GGT5: variants seen among roughly 807,000 people sequenced by gnomAD.
GGT5 encodes the protein gamma-glutamyltransferase 5, also known as glutathione hydrolase 5 proenzyme.
GGT5 carries 50 observed loss-of-function variants against 58.1 expected under a neutral mutation model. The ratio of observed to expected loss-of-function variants is 0.86; its 90% CI spans 0.69 to 1.09. The LOEUF (loss-of-function observed/expected upper bound fraction) is 1.09. Among genes scored for constraint, GGT5 ranks in the 50% least tolerant of loss-of-function variants. GGT5 has a pLI of 0.00. For synonymous variants in GGT5, 370 were observed against 346.1 expected (o/e 1.07, Z -0.77); for missense variants, 800 against 789.4 (o/e 1.01, Z -0.16).
In GGT5 at chr22:24,227,543, G is replaced by A. The variant is rs142599588; in HGVS notation, c.902-776C>T. Among the ~76,000 whole-genome samples the A allele has an allele frequency of 3.8e-3, 578 of 151,714 alleles. 4 individuals are homozygous for A. The highest frequency in any genetic ancestry group is 0.013 in the African/African-American group (555 of 41,402). Reference sequence around the variant, plus strand: ...ATTACAGGCATGAGCCACCACACCCGGCCTAAAGTACGTTAAAGATTTTGA... The same window carrying A: ...ATTACAGGCATGAGCCACCACACCCAGCCTAAAGTACGTTAAAGATTTTGA... On this transcript the variant is annotated intron_variant, in intron 6 of 11. Coordinates refer to ENST00000327365, the MANE Select transcript of GGT5 (RefSeq NM_004121.5).
intron 1 of GGT5, 190 bp downstream of exon 1, chr22:24,244,363 A>G (rs1439512811): frequency 3.3e-6 from 2 of 601,784 alleles, no homozygotes; most frequent in East Asian, 5.6e-5. Context: ...ACATTCACAC[A>G]CACCCACACT....
In GGT5 at chr22:24,226,125, G is replaced by A. The variant is rs751919450; in HGVS notation, c.1180C>T (p.Leu394=). The A allele has an allele frequency of 8.7e-6, 14 of 1,610,314 alleles. No individual in the cohort carries two copies. The South Asian group carries it at 1.4e-4, about 16-fold the overall frequency. The change falls in exon 8 of 12, where the codon CTG becomes TTG. Residue 394 remains leucine, a synonymous_variant. Transcript: ENST00000327365. ...HGTGTSHVSV[L]GEDGSAVAAT... ...GCCACGGCGCTGCCATCCTCCCCCA[G>A]CACAGACACATGGGACGTGCCTGTC...
At chr22:24,238,907 T>C (rs866573338) in intron 1 of GGT5, among the ~76,000 whole-genome samples, 2 of 13,516 alleles carry the variant, frequency 1.5e-4, no homozygotes, top group South Asian at 1.7e-3. Flanking sequence ...ATATATATAT[T>C]ATATATATTA....
chr22:24,233,846 C>T, intron 2 of GGT5, 28 bp downstream of exon 2: 1 of 1,603,806 alleles, frequency 6.2e-7, no homozygotes. Context: ...AGCCCATCTT[C>T]CCCATGGCAG....
chr22:24,220,784 C>A, intron 11 of GGT5: 1 of 414,902 alleles, frequency 2.4e-6, no homozygotes, highest in Admixed American at 3.0e-5. Context: ...GTAATCCCAG[C>A]ACTTTGGGAG....
chr22:24,223,075 G>A (rs2047648475), intron 11 of GGT5, among the ~76,000 whole-genome samples: 1 of 150,736 alleles, frequency 6.6e-6, no homozygotes, highest in Non-Finnish European at 1.5e-5. Flanking sequence ...GGGCAACAGA[G>A]CGAGACTCCG....
intron 6 of GGT5, among the ~76,000 whole-genome samples, chr22:24,228,902 G>A (rs5760266): frequency 0.13 from 19,244 of 151,718 alleles, 1,428 homozygotes; most frequent in East Asian, 0.25. Flanking sequence ...AGAGCAGTCT[G>A]GCCAACATGA....
chr22:24,240,413 C>A lies in GGT5; in HGVS notation c.173+4140G>T, dbSNP rs565392028. On this transcript the variant is annotated intron_variant, in intron 1 of 11. Coordinates refer to ENST00000327365, the MANE Select transcript of GGT5 (RefSeq NM_004121.5). Reference sequence around the variant, plus strand: ...ATTGGAAATAAAGTAAAACCCAATGCCTTTTATGTAAGGATACAGAAAGGT... The same window carrying A: ...ATTGGAAATAAAGTAAAACCCAATGACTTTTATGTAAGGATACAGAAAGGT... Among the ~76,000 whole-genome samples the A allele has an allele frequency of 1.3e-4, 20 of 151,418 alleles. No individual in the cohort carries two copies. In the East Asian group the frequency reaches 3.3e-3, roughly 25 times the overall value.
Position 24,219,679 on chromosome 22 carries a change from C to G in GGT5, c.*291G>C, listed in dbSNP as rs1342163071. 8.1e-6 allele frequency: 3 copies of G among 372,346 alleles called. No homozygotes were observed. Among genetic ancestry groups the G allele is most frequent in the Non-Finnish European group, 1.5e-5 (3 of 202,938 alleles). The allele number at this position is 372,346 out of a possible 1,614,324, so 23.1% of individuals were successfully genotyped here. On this transcript the variant is annotated 3_prime_UTR_variant, in exon 12 of 12. Transcript: ENST00000327365. ...TCAGGCCACAGTCCGCCTCTTTAAT[C>G]TTGGACTGGAGGATATACAGATCGA...
intron 11 of GGT5, among the ~76,000 whole-genome samples, chr22:24,223,877 T>C (rs112240416): frequency 0.17 from 24,879 of 150,690 alleles, 2,866 homozygotes; most frequent in African/African-American, 0.33. Flanking sequence ...TTTCTCCTGC[T>C]TCAGCCTCCC....
At position 24,219,754 on chromosome 22, in the gene GGT5, G is replaced by A. The variant is rs2047534409; in HGVS notation, c.*216C>T. 2 of 569,348 alleles carry A rather than the reference G, an allele frequency of 3.5e-6. No homozygotes were observed. Among genetic ancestry groups the A allele is most frequent in the Admixed American group, 3.1e-5 (1 of 32,460 alleles). The allele number at this position is 569,348 out of a possible 1,614,324, so 35.3% of individuals were successfully genotyped here. ...AAGAGGCCTGCGGAGGGATAGAGGG[G>A]CCGGTTCAGGACCACCAGGGGCTCT... is the stretch of plus-strand genomic sequence containing the variant. On this transcript the variant is annotated 3_prime_UTR_variant, in exon 12 of 12. Coordinates refer to ENST00000327365, the MANE Select transcript of GGT5 (RefSeq NM_004121.5).
chr22:24,236,819 G>A (rs1189711849), intron 1 of GGT5, among the ~76,000 whole-genome samples: 1 of 151,478 alleles, frequency 6.6e-6, no homozygotes, highest in Non-Finnish European at 1.5e-5. Flanking sequence ...ATGGGAGACT[G>A]TAATTCAGAC....
At chr22:24,232,333 G>A in intron 4 of GGT5, 125 bp from the exon 5 acceptor site, 1 of 572,930 alleles carries the variant, frequency 1.7e-6, no homozygotes, top group Non-Finnish European at 3.1e-6. Context: ...GGGTCCCGAG[G>A]CACTGGGGTG....
At position 24,226,178 on chromosome 22, in the gene GGT5, T is replaced by C; in HGVS notation, c.1127A>G (p.Tyr376Cys). The C allele has an allele frequency of 6.2e-7, 1 of 1,610,672 alleles. No individual in the cohort carries two copies. The highest frequency in any genetic ancestry group is 1.7e-4 in the Middle Eastern group (1 of 6,058). ...DGRGDHQLSHYSLAEAWGHGT... is the reference protein window; with the variant it reads ...DGRGDHQLSHCSLAEAWGHGT... ...GTGGCCCCAGGCCTCGGCCAAGCTG[T>C]AGTGGCTGAGCTGGTGGTCCCCCCG... is the stretch of plus-strand genomic sequence containing the variant. Residue 376 changes from tyrosine to cysteine, a missense_variant, in exon 8 of 12, where the codon TAC (tyrosine) becomes TGC (cysteine). Tyr to Cys is a radical substitution (Grantham distance 194). Coordinates refer to ENST00000327365, the MANE Select transcript of GGT5 (RefSeq NM_004121.5).
At chr22:24,236,715 GTTGTAC>G (rs2048106570) in intron 1 of GGT5, among the ~76,000 whole-genome samples, 1 of 148,368 alleles carries the variant, frequency 6.7e-6, no homozygotes, top group African/African-American at 2.5e-5. Context: ...GTGAGCCAAG[GTTGTAC>G]CACTGCACTC....
chr22:24,232,002 T>C lies in GGT5; in HGVS notation c.754+49A>G, dbSNP rs1331815661. ...CCCTCAACCCCCAGTGCCCAGAACT[T>C]GGCTCTTCCTCCAGCAGGGATGGGG... is the stretch of plus-strand genomic sequence containing the variant. On this transcript the variant is annotated intron_variant, in intron 5 of 11. Transcript: ENST00000327365. 2.0e-6 allele frequency: 3 copies of C among 1,533,706 alleles called. No homozygotes were observed. The Admixed American group carries it at 5.0e-5, about 26-fold the overall frequency.
chr22:24,226,014 G>C, intron 8 of GGT5, 62 bp downstream of exon 8: 1 of 1,186,594 alleles, frequency 8.4e-7, no homozygotes, highest in Non-Finnish European at 1.2e-6. Context: ...CATGGGGCTG[G>C]GGGTGTGCAG....
At position 24,226,153 on chromosome 22, in the gene GGT5, G is replaced by A. The variant is rs768187287; in HGVS notation, c.1152C>T (p.His384=). ...SHYSLAEAWG[H]GTGTSHVSVL... is the part of the protein sequence containing the mutation. Reference sequence around the variant, plus strand: ...CAGACACATGGGACGTGCCTGTCCCGTGGCCCCAGGCCTCGGCCAAGCTGT... The same window carrying A: ...CAGACACATGGGACGTGCCTGTCCCATGGCCCCAGGCCTCGGCCAAGCTGT... Residue 384 remains histidine (H), a synonymous_variant, in exon 8 of 12, where the codon CAC becomes CAT. Coordinates refer to ENST00000327365, the MANE Select transcript of GGT5 (RefSeq NM_004121.5). 2.7e-5 allele frequency: 43 copies of A among 1,611,022 alleles called. No homozygotes were observed. The highest frequency in any genetic ancestry group is 1.6e-4 in the Middle Eastern group (1 of 6,080).
intron 11 of GGT5, 107 bp from the exon 12 acceptor site, chr22:24,220,223 G>A (rs780677794): frequency 7.6e-6 from 8 of 1,058,898 alleles, no homozygotes; most frequent in Non-Finnish European, 1.1e-5. Flanking sequence ...GCAAGACGGA[G>A]AGGAAGAGGG....
Sources: allele counts gnomAD v4.1 joint callset (sites outside exome capture counted in the v4.1 genomes callset), GRCh38; gene constraint gnomAD v4.1.1; transcripts MANE v1.5; gene names NCBI Gene and HGNC (gene_info 2026-07-23, HGNC 2026-07-21).